Variants in DMXL2 observed in about 807,000 individuals in gnomAD.
DMXL2 encodes the protein dmX-like protein 2.
In DMXL2, 103 loss-of-function variants were observed where a neutral mutation model predicts 331.1. That is an observed-to-expected ratio of 0.31 (90% CI 0.27 to 0.37). DMXL2 has a LOEUF of 0.37. Among genes scored for constraint, DMXL2 ranks in the 10% least tolerant of loss-of-function variants. The probability of loss-of-function intolerance (pLI) is 1.00; values close to 1 mark genes in which losing one functional copy is unlikely to be tolerated. For synonymous variants in DMXL2, 1,281 were observed against 1,252.1 expected (o/e 1.02, Z -0.49); for missense variants, 3,171 against 3,642.9 (o/e 0.87, Z 3.33).
In DMXL2 at chr15:51,542,247, A is replaced by T. The variant is rs935016199; in HGVS notation, c.1105+86T>A. 11 of 1,309,698 alleles carry T rather than the reference A, an allele frequency of 8.4e-6. No individual in the cohort carries two copies. In the African/African-American group the frequency reaches 1.3e-4, roughly 16 times the overall value. 81.1% of individuals were successfully genotyped at this position (1,309,698 alleles called of 1,614,324 possible). On this transcript the variant is annotated intron_variant, in intron 9 of 43. Transcript: ENST00000560891. ...ATTTTAAAGGCAACATGAAATAATAAAAAACAGGTTATGAAAGTAGTTCCA... is the reference window on the plus strand; with the variant it reads ...ATTTTAAAGGCAACATGAAATAATATAAAACAGGTTATGAAAGTAGTTCCA...
chr15:51,583,461 A>C (rs1420354927), intron 1 of DMXL2, among the ~76,000 whole-genome samples: 2 of 44,496 alleles, frequency 4.5e-5, no homozygotes, highest in African/African-American at 1.7e-4. Flanking sequence ...TGAACTCATC[A>C]TTTTTTATGG....
At chr15:51,617,394 A>C (rs2054354931) in intron 1 of DMXL2, among the ~76,000 whole-genome samples, 1 of 152,190 alleles carries the variant, frequency 6.6e-6, no homozygotes, top group African/African-American at 2.4e-5. Flanking sequence ...CCTAATCAAG[A>C]GGCTTCTCCT....
chr15:51,491,170 G>A (rs977720279), intron 20 of DMXL2, among the ~76,000 whole-genome samples: 3 of 152,194 alleles, frequency 2.0e-5, no homozygotes, highest in African/African-American at 7.2e-5. Flanking sequence ...ACCAGGCATG[G>A]TGGCTCATGC....
chr15:51,554,700 G>A (rs1350378868), intron 6 of DMXL2, among the ~76,000 whole-genome samples: 1 of 152,146 alleles, frequency 6.6e-6, no homozygotes, highest in Non-Finnish European at 1.5e-5. Context: ...GAGTGTGCAG[G>A]GGTGAGAGTT....
At chr15:51,529,650 G>A (rs1217890238) in intron 13 of DMXL2, among the ~76,000 whole-genome samples, 1 of 152,008 alleles carries the variant, frequency 6.6e-6, no homozygotes, top group Non-Finnish European at 1.5e-5. Context: ...AGGACCCAAT[G>A]GTTTTGCTGC....
chr15:51,496,733 A>G (rs528223947), intron 18 of DMXL2, among the ~76,000 whole-genome samples: 2 of 152,340 alleles, frequency 1.3e-5, no homozygotes, highest in South Asian at 2.1e-4. Flanking sequence ...TGGATTCTGG[A>G]TATTAATAGA....
intron 6 of DMXL2, among the ~76,000 whole-genome samples, chr15:51,559,119 A>G (rs1785587109): frequency 6.6e-6 from 1 of 152,242 alleles, no homozygotes; most frequent in South Asian, 2.1e-4. Flanking sequence ...AACTTATTAA[A>G]TAGGACTCAG....
At chr15:51,606,424 A>C (rs1255751799) in intron 1 of DMXL2, among the ~76,000 whole-genome samples, 1 of 152,036 alleles carries the variant, frequency 6.6e-6, no homozygotes, top group Admixed American at 6.6e-5. Context: ...CGAACTCCTG[A>C]CCTCAGGTTA....
At chr15:51,512,215 T>C (rs1184599886) in intron 15 of DMXL2, among the ~76,000 whole-genome samples, 1 of 152,032 alleles carries the variant, frequency 6.6e-6, no homozygotes, top group African/African-American at 2.4e-5. Context: ...AAAATAAACT[T>C]GCTCTAAAAC....
In DMXL2 at chr15:51,514,521, T is replaced by G; in HGVS notation, c.2565A>C (p.Glu855Asp). The G allele has an allele frequency of 6.3e-7, 1 of 1,595,358 alleles. No homozygotes were observed. Residue 855 changes from glutamate (E) to aspartate (D), a missense_variant, in exon 15 of 44, where the codon GAA becomes GAC. This residue lies in a region of DMXL2 where 1,674 missense variants were observed against 1,780.2 expected (regional missense o/e 0.94). Transcript: ENST00000560891. The stretch of plus-strand genomic sequence containing the variant: ...GTGGTTTATATCCTATAATGAAGTC[T>G]TCTTGAAACACATGAAGCAACTGTG... ...SNTQLLHVFQ[E>D]DFIIGYKPHK...
chr15:51,536,816 G>C lies in DMXL2; in HGVS notation c.1664C>G (p.Ala555Gly). 1 of 1,613,020 alleles carries C rather than the reference G, an allele frequency of 6.2e-7. No homozygotes were observed. Among genetic ancestry groups the C allele is most frequent in the Non-Finnish European group, 8.5e-7 (1 of 1,179,736 alleles). ...CATGATATTTTTACTAAGAGAGCTT[G>C]CATCACCAGAGGGAAATGCAACAGG... The part of the protein sequence containing the change: ...RIPVAFPSGD[A>G]SSLSKNIMMY... Residue 555 changes from alanine to glycine, a missense_variant, in exon 12 of 44, where the codon GCA (alanine) becomes GGA (glycine). Around this residue, in one of 7 missense-constraint regions of DMXL2, gnomAD observed 1,674 missense variants for 1,780.2 expected, o/e 0.94. Transcript: ENST00000560891.
intron 1 of DMXL2, among the ~76,000 whole-genome samples, chr15:51,617,681 C>T (rs1434063040): frequency 6.6e-6 from 1 of 152,222 alleles, no homozygotes; most frequent in Non-Finnish European, 1.5e-5. Flanking sequence ...ATATAATTTT[C>T]ATTCGTGGTC....
chr15:51,486,348 AAATATT>A lies in DMXL2; in HGVS notation c.5218-17_5218-12del. 1.3e-6 allele frequency: 2 copies of A among 1,541,800 alleles called. No homozygotes were observed. The highest frequency in any genetic ancestry group is 1.8e-6 in the Non-Finnish European group (2 of 1,120,256). On this transcript the variant is annotated splice_polypyrimidine_tract_variant and intron_variant, in intron 22 of 43. Coordinates refer to ENST00000560891, the MANE Select transcript of DMXL2 (RefSeq NM_001378457.1). Reference sequence around the variant, plus strand: ...TTTTTCAAGACATACCTGCAAATTTAAATATTAATACTTATCTTACTTAATGATAAT... The same window carrying A: ...TTTTTCAAGACATACCTGCAAATTTAAATACTTATCTTACTTAATGATAAT...
intron 6 of DMXL2, among the ~76,000 whole-genome samples, chr15:51,550,963 T>G (rs74665193): frequency 6.6e-6 from 1 of 152,112 alleles, no homozygotes; most frequent in African/African-American, 2.4e-5. Context: ...CTGGAAGTAA[T>G]TGAATTTGAG....
chr15:51,488,514 C>G (rs1351212005), intron 21 of DMXL2, 34 bp downstream of exon 21: 1 of 1,537,860 alleles, frequency 6.5e-7, no homozygotes, highest in South Asian at 1.2e-5. Flanking sequence ...AATCTTCATT[C>G]TGTTGAATCA....
At chr15:51,459,206 A>C in intron 34 of DMXL2, 1 of 195,228 alleles carries the variant, frequency 5.1e-6, no homozygotes, top group South Asian at 1.0e-4. Flanking sequence ...CCTTTGAAGT[A>C]AGGGTGGTGA....
chr15:51,617,709 T>C lies in DMXL2; in HGVS notation c.87+4750A>G, dbSNP rs78140840. On this transcript the variant is annotated intron_variant, in intron 1 of 43. Coordinates refer to ENST00000560891, the MANE Select transcript of DMXL2 (RefSeq NM_001378457.1). ...TCGTGGTCTAAATACTTAAAGAATA[T>C]CTTTAAGAACTTCTTTTACAGATCA... Among the ~76,000 whole-genome samples the C allele has an allele frequency of 2.7e-3, 413 of 152,330 alleles. 15 individuals carry two copies. The South Asian group carries it at 0.082, about 30-fold the overall frequency.
In DMXL2 at chr15:51,564,376, C is replaced by T. The variant is rs1358853174; in HGVS notation, c.365-116G>A. On this transcript the variant is annotated intron_variant, in intron 4 of 43. Transcript: ENST00000560891. ...ATATTATGTGAAAAGTAAGCAATAT[C>T]GCCAACGAAAAACACTTGGTATATA... 3.2e-5 allele frequency: 24 copies of T among 751,422 alleles called. No homozygotes were observed. In the East Asian group the frequency reaches 6.8e-4, roughly 21 times the overall value. 46.5% of individuals were successfully genotyped at this position (751,422 alleles called of 1,614,324 possible).
At chr15:51,459,475 TG>T in intron 34 of DMXL2, 122 bp downstream of exon 34, 1 of 696,666 alleles carries the variant, frequency 1.4e-6, no homozygotes, top group Non-Finnish European at 2.2e-6. Context: ...TGAAGTGGTA[TG>T]GGAGTACTAT....
Sources: allele counts gnomAD v4.1 joint callset (sites outside exome capture counted in the v4.1 genomes callset), GRCh38; gene constraint gnomAD v4.1.1; regional missense constraint gnomAD v4.1.1; transcripts MANE v1.5; gene names NCBI Gene and HGNC (gene_info 2026-07-23, HGNC 2026-07-21).